Variants in HDAC7 observed in about 807,000 individuals in gnomAD.
HDAC7 encodes histone deacetylase 7A.
Under a neutral mutation model 115.5 loss-of-function variants are expected in HDAC7, and 26 were observed. That is an observed-to-expected ratio of 0.23 (90% CI 0.16 to 0.31). The LOEUF (loss-of-function observed/expected upper bound fraction) is 0.31, where lower values mean the gene tolerates loss of function less well. HDAC7 is among the 10% of genes least tolerant of loss of function. The probability of loss-of-function intolerance (pLI) is 1.00; values close to 1 mark genes in which losing one functional copy is unlikely to be tolerated. For missense variants in HDAC7, 1,068 were observed against 1,329.0 expected, an observed-to-expected ratio of 0.80 and a Z score of 3.05; for synonymous variants, 564 against 550.9, an observed-to-expected ratio of 1.02 and a Z score of -0.33.
rs1446358817 is a variant in HDAC7, at chr12:47,796,911, A to G, written c.703+106T>C. 5 of 1,301,220 alleles carry G rather than the reference A, an allele frequency of 3.8e-6. No homozygotes were observed. The African/African-American group carries it at 4.5e-5, about 12-fold the overall frequency. 80.6% of individuals were successfully genotyped at this position (1,301,220 alleles called of 1,614,324 possible). ...GTGGGACACCCCCATGCAACCACGC[A>G]TGGCAGTCCTAAGGAGGGGACCCCT... On this transcript the variant is annotated intron_variant, in intron 7 of 25. Coordinates refer to ENST00000080059, the MANE Select transcript of HDAC7 (RefSeq NM_015401.5).
intron 15 of HDAC7, 109 bp downstream of exon 15, chr12:47,791,477 C>T (rs950486922): frequency 4.8e-6 from 7 of 1,446,276 alleles, no homozygotes; most frequent in East Asian, 2.5e-5. Flanking sequence ...GGAGTAGGGA[C>T]GTCCAGGGTG....
At chr12:47,788,015 C>A in intron 20 of HDAC7, 30 bp downstream of exon 20, 1 of 1,600,360 alleles carries the variant, frequency 6.2e-7, no homozygotes, top group Non-Finnish European at 8.5e-7. Context: ...GTCAATGAGG[C>A]TGGAAGATGT....
chr12:47,786,759 T>A (rs1393443273), intron 21 of HDAC7, 56 bp from the exon 22 acceptor site: 1 of 1,417,902 alleles, frequency 7.1e-7, no homozygotes, highest in Non-Finnish European at 9.9e-7. Flanking sequence ...CCAGGGGCGG[T>A]CCTGCCAACT....
intron 21 of HDAC7, among the ~76,000 whole-genome samples, chr12:47,787,013 A>G (rs565795355): frequency 9.8e-5 from 15 of 152,308 alleles, no homozygotes; most frequent in African/African-American, 3.4e-4. Context: ...GTGTGCATGC[A>G]AGCATCTGTG....
chr12:47,788,334 C>G, intron 19 of HDAC7, 170 bp from the exon 20 acceptor site: 1 of 692,138 alleles, frequency 1.4e-6, no homozygotes, highest in East Asian at 3.1e-5. Context: ...ATCCACTGCC[C>G]GGCTCTGAAC....
At chr12:47,812,210 G>A (rs1369760122) in intron 1 of HDAC7, among the ~76,000 whole-genome samples, 1 of 152,212 alleles carries the variant, frequency 6.6e-6, no homozygotes, top group Non-Finnish European at 1.5e-5. Flanking sequence ...CTGGGAGAGG[G>A]AGTGAACAAG....
intron 16 of HDAC7, 114 bp downstream of exon 16, chr12:47,791,145 G>T: frequency 9.4e-7 from 1 of 1,061,722 alleles, no homozygotes; most frequent in Non-Finnish European, 1.4e-6. Context: ...GGCTCACCCT[G>T]TCTGGCAGAA....
intron 1 of HDAC7, among the ~76,000 whole-genome samples, chr12:47,806,361 C>T (rs1944402837): frequency 6.6e-6 from 1 of 152,224 alleles, no homozygotes; most frequent in Admixed American, 6.5e-5. Flanking sequence ...TAAGCTGCCC[C>T]ACCTGTAATC....
rs1286263383 is a variant in HDAC7, at chr12:47,797,721, TTGGTGCG to T, written c.462-229_462-223del. 1.3e-5 allele frequency among the ~76,000 whole-genome samples: 2 copies of T among 152,190 alleles called. No homozygotes were observed. Among genetic ancestry groups the T allele is most frequent in the Admixed American group, 1.3e-4 (2 of 15,278 alleles). ...TGACCTAGGCATAGAAGCCAGGTGC[TTGGTGCG>T]TGGGTGAAGAGCCCACTGGGGGCTC... On this transcript the variant is annotated intron_variant, in intron 5 of 25. Transcript: ENST00000080059. This position sits in a 1 kb window ranked among gnomAD's most constrained non-coding sequence, Gnocchi z 5.5.
chr12:47,808,740 T>C (rs1300214223), intron 1 of HDAC7, among the ~76,000 whole-genome samples: 1 of 152,188 alleles, frequency 6.6e-6, no homozygotes, highest in Non-Finnish European at 1.5e-5. Flanking sequence ...TACTTCCTAT[T>C]ACCCATGGCC....
At position 47,795,304 on chromosome 12, in the gene HDAC7, G is replaced by A; in HGVS notation, c.1164C>T (p.Leu388=). ...AGCGAGTCCGGCTCAGTGGCCAGTG[G>A]AGGCCTGACCCAGAGAGCCGCTCGG... is the stretch of plus-strand genomic sequence containing the variant. The part of the protein sequence containing the change: ...MTTERLSGSG[L]HWPLSRTRSE... The change falls in exon 11 of 26, where the codon CTC becomes CTT. Residue 388 remains leucine, a synonymous_variant. Transcript: ENST00000080059. The surrounding 1 kb of genome is among the most constrained non-coding windows in gnomAD (Gnocchi z 4.3). 6.2e-7 allele frequency: 1 copy of A among 1,613,268 alleles called. No individual in the cohort carries two copies. The highest frequency in any genetic ancestry group is 8.5e-7 in the Non-Finnish European group (1 of 1,179,766).
chr12:47,815,846 A>G (rs540158375), intron 1 of HDAC7, among the ~76,000 whole-genome samples: 5 of 151,042 alleles, frequency 3.3e-5, no homozygotes, highest in African/African-American at 9.7e-5. Flanking sequence ...CCTGCCTTCA[A>G]GTGATCTGCC....
In HDAC7 at chr12:47,798,680, G is replaced by C. The variant is rs529789759; in HGVS notation, c.259-28C>G. On this transcript the variant is annotated intron_variant, in intron 3 of 25. Coordinates refer to ENST00000080059, the MANE Select transcript of HDAC7 (RefSeq NM_015401.5). The surrounding 1 kb of genome is among the most constrained non-coding windows in gnomAD (Gnocchi z 4.3). Reference sequence around the variant, plus strand: ...GTGGGCAGGGCCGGCAGCCCAGAAAGGGACAAGGAGTTGAGGACTGAGACT... The same window carrying C: ...GTGGGCAGGGCCGGCAGCCCAGAAACGGACAAGGAGTTGAGGACTGAGACT... 6.2e-7 allele frequency: 1 copy of C among 1,600,392 alleles called. No homozygotes were observed. Among genetic ancestry groups the C allele is most frequent in the Non-Finnish European group, 8.5e-7 (1 of 1,173,088 alleles).
chr12:47,818,571 G>C (rs1257174723), intron 1 of HDAC7, among the ~76,000 whole-genome samples: 1 of 152,230 alleles, frequency 6.6e-6, no homozygotes, highest in East Asian at 1.9e-4. Context: ...CCCTATAGCT[G>C]AATAGGGGTC....
chr12:47,816,747 T>C (rs1310311718), intron 1 of HDAC7, among the ~76,000 whole-genome samples: 1 of 151,800 alleles, frequency 6.6e-6, no homozygotes, highest in Non-Finnish European at 1.5e-5. Context: ...ACCTCTCCCT[T>C]GTAGGAGGAG....
At chr12:47,784,761 G>A (rs974285056) in intron 24 of HDAC7, 27 of 1,535,468 alleles carry the variant, frequency 1.8e-5, no homozygotes, top group African/African-American at 9.6e-5. Context: ...GCTGCTGTGA[G>A]GAACCATGTC....
At position 47,797,273 on chromosome 12, in the gene HDAC7, C is replaced by T. The variant is rs1260555048; in HGVS notation, c.577+111G>A. Reference sequence around the variant, plus strand: ...AACTAGAAAGAAGATCCTAGCCTACCGATGATCTCCTGGCCCAGCCCAGCC... The same window carrying T: ...AACTAGAAAGAAGATCCTAGCCTACTGATGATCTCCTGGCCCAGCCCAGCC... On this transcript the variant is annotated intron_variant, in intron 6 of 25. Transcript: ENST00000080059. This position sits in a 1 kb window ranked among gnomAD's most constrained non-coding sequence, Gnocchi z 5.5. The T allele has an allele frequency of 9.0e-6, 14 of 1,549,250 alleles. No homozygotes were observed. In the African/African-American group the frequency reaches 9.5e-5, roughly 11 times the overall value.
chr12:47,784,764 AC>A, intron 24 of HDAC7: 1 of 1,535,538 alleles, frequency 6.5e-7, no homozygotes, highest in South Asian at 1.2e-5. Context: ...GCTGTGAGGA[AC>A]CATGTCCTGG....
In HDAC7 at chr12:47,798,772, G is replaced by T; in HGVS notation, c.258+13C>A. 6.4e-7 allele frequency: 1 copy of T among 1,555,208 alleles called. No individual in the cohort carries two copies. Among genetic ancestry groups the T allele is most frequent in the South Asian group, 1.2e-5 (1 of 84,472 alleles). Reference sequence around the variant, plus strand: ...CTCAAGGTGGCCCCACATGCAGGGAGCTCCATCTTTACCCTCATGGGCTCC... The same window carrying T: ...CTCAAGGTGGCCCCACATGCAGGGATCTCCATCTTTACCCTCATGGGCTCC... On this transcript the variant is annotated intron_variant, in intron 3 of 25. Coordinates refer to ENST00000080059, the MANE Select transcript of HDAC7 (RefSeq NM_015401.5). This position sits in a 1 kb window ranked among gnomAD's most constrained non-coding sequence, Gnocchi z 4.3.
Sources: gnomAD v4.1 joint callset for allele counts (sites outside exome capture counted in the v4.1 genomes callset) on GRCh38, gnomAD v4.1.1 for gene constraint, Gnocchi (gnomAD v3.1) non-coding constraint, MANE v1.5 for transcripts, NCBI Gene and HGNC (gene_info 2026-07-23, HGNC 2026-07-21) for gene names.